Variants in MICAL2 observed in about 807,000 individuals in gnomAD.
The protein encoded by MICAL2 is microtubule associated monooxygenase, calponin and LIM domain containing 2.
Under a neutral mutation model 127.3 loss-of-function variants are expected in MICAL2, and 77 were observed. That is an observed-to-expected ratio of 0.60 (90% CI 0.50 to 0.73). MICAL2 has a LOEUF of 0.73. Ranked by LOEUF, MICAL2 falls within the 30% of genes least tolerant of loss-of-function variation. The pLI is 0.00. For synonymous variants in MICAL2, 570 were observed against 551.1 expected (o/e 1.03, Z -0.48); for missense variants, 1,351 against 1,434.4 (o/e 0.94, Z 0.94).
At chr11:12,216,605 C>T (rs1470964939) in intron 8 of MICAL2, among the ~76,000 whole-genome samples, 1 of 152,180 alleles carries the variant, frequency 6.6e-6, no homozygotes, top group African/African-American at 2.4e-5. Context: ...TCTCATCCAG[C>T]CTTGCCTCTT....
intron 1 of MICAL2, among the ~76,000 whole-genome samples, chr11:12,133,339 C>A (rs1358583313): frequency 1.3e-5 from 2 of 152,180 alleles, no homozygotes; most frequent in East Asian, 3.9e-4. Flanking sequence ...GCCTCGGGCT[C>A]CCAAAGTGCT....
At position 12,133,620 on chromosome 11, in the gene MICAL2, GA is replaced by G. The variant is rs57094544; in HGVS notation, c.-148-4757del. 6.1e-3 allele frequency among the ~76,000 whole-genome samples: 861 copies of G among 140,056 alleles called. 4 individuals are homozygous for G. Among genetic ancestry groups the G allele is most frequent in the African/African-American group, 0.013 (501 of 38,910 alleles). The allele number at this position is 140,056 out of a possible 152,430, so 91.9% of individuals were successfully genotyped here. On this transcript the variant is annotated intron_variant, in intron 1 of 27. Transcript: ENST00000683283. ...AGAATCTCTTGGGACAGGTGACTGA[GA>G]AAAAAAAAAAAAGTAAAACAAAAAA...
chr11:12,294,225 C>T, downstream of MICAL2: 1 of 1,614,126 alleles, frequency 6.2e-7, no homozygotes, highest in Non-Finnish European at 8.5e-7. Flanking sequence ...AACGTGCCTC[C>T]ACCCAAGTCC....
At position 12,145,153 on chromosome 11, in the gene MICAL2, G is replaced by A. The variant is rs1282123030; in HGVS notation, c.-78+6693G>A. 1.9e-4 allele frequency among the ~76,000 whole-genome samples: 29 copies of A among 151,334 alleles called. 1 individual carries two copies. The highest frequency in any genetic ancestry group is 1.9e-3 in the Admixed American group (29 of 15,172). On this transcript the variant is annotated intron_variant, in intron 2 of 27. Coordinates refer to ENST00000683283, the MANE Select transcript of MICAL2 (RefSeq NM_001282663.2). ...TCCAGCTGGGTTCATGTAGCACATC[G>A]CTGGGCACATGGTAATCAGTGTTGA...
Position 12,239,845 on chromosome 11 carries a change from T to C in MICAL2, c.2214+260T>C, listed in dbSNP as rs148100930. On this transcript the variant is annotated intron_variant, in intron 17 of 27. Transcript: ENST00000683283. Reference sequence around the variant, plus strand: ...AGTAGACAATACCTAAACAAATGAGTCTGGCTGTGTTCCAATAAAACTTTA... The same window carrying C: ...AGTAGACAATACCTAAACAAATGAGCCTGGCTGTGTTCCAATAAAACTTTA... Among the ~76,000 whole-genome samples, 1,227 of 152,286 alleles carry C rather than the reference T, an allele frequency of 8.1e-3. 17 individuals are homozygous for C. Among genetic ancestry groups the C allele is most frequent in the African/African-American group, 0.027 (1,134 of 41,536 alleles).
At chr11:12,319,204 T>C (rs1344104296) in intron 29 of MICAL2, among the ~76,000 whole-genome samples, 1 of 152,124 alleles carries the variant, frequency 6.6e-6, no homozygotes, top group Non-Finnish European at 1.5e-5. Flanking sequence ...GCAGATGTCA[T>C]GTAGTAAAAA....
chr11:12,240,312 G>A (rs1170024894), intron 17 of MICAL2, among the ~76,000 whole-genome samples: 6 of 152,222 alleles, frequency 3.9e-5, no homozygotes, highest in Non-Finnish European at 7.3e-5. Flanking sequence ...ACTTCCTTTA[G>A]GGTGCTGTTG....
intron 2 of MICAL2, among the ~76,000 whole-genome samples, chr11:12,160,085 C>A (rs1854604834): frequency 6.6e-6 from 1 of 152,156 alleles, no homozygotes; most frequent in Non-Finnish European, 1.5e-5. Flanking sequence ...TCAAGCCAAG[C>A]ATAGTGCCAG....
Position 12,255,657 on chromosome 11 carries a change from A to C in MICAL2, c.2862A>C (p.Lys954Asn). 6.2e-7 allele frequency: 1 copy of C among 1,614,072 alleles called. No homozygotes were observed. The highest frequency in any genetic ancestry group is 8.5e-7 in the Non-Finnish European group (1 of 1,180,002). The change falls in exon 23 of 28, where the codon AAA becomes AAC. Residue 954 changes from lysine (K) to asparagine (N), a missense_variant. Physicochemically the swap from Lys to Asn is moderately conservative, Grantham distance 94. This residue lies in a region of MICAL2 where 752 missense variants were observed against 719.4 expected (regional missense o/e 1.05). Transcript: ENST00000683283. ...CTCTTGGTTAGCTGACGGTAGGGAA[A>C]GTGTCCAGCGGAATAGGGGCTGCAG... ...RTVHPQLTVG[K>N]VSSGIGAAAE...
At chr11:12,250,950 G>A (rs1861451721) in intron 22 of MICAL2, among the ~76,000 whole-genome samples, 1 of 152,146 alleles carries the variant, frequency 6.6e-6, no homozygotes, top group Admixed American at 6.5e-5. Context: ...GACTTATCTA[G>A]GATTTCTCCA....
chr11:12,329,411 G>A (rs1864389056), intron 32 of MICAL2, among the ~76,000 whole-genome samples: 2 of 152,104 alleles, frequency 1.3e-5, no homozygotes, highest in South Asian at 4.1e-4. Flanking sequence ...GAAAAGAAGA[G>A]GAAAAACCAG....
chr11:12,358,502 T>TG (rs771978119), downstream of MICAL2: 1 of 1,609,040 alleles, frequency 6.2e-7, no homozygotes, highest in South Asian at 1.1e-5. Context: ...TCCCTCTCCC[T>TG]GGCTGCACGT....
intron 30 of MICAL2, among the ~76,000 whole-genome samples, chr11:12,320,586 G>A (rs992405132): frequency 1.3e-5 from 2 of 152,140 alleles, no homozygotes; most frequent in African/African-American, 2.4e-5. Flanking sequence ...TGCTTCCCGG[G>A]TAGAAAGAGA....
chr11:12,275,340 G>A (rs1223943695), upstream of MICAL2, among the ~76,000 whole-genome samples: 2 of 152,148 alleles, frequency 1.3e-5, no homozygotes, highest in South Asian at 2.1e-4. Context: ...AGAAATCTGG[G>A]GGTCATTGTT....
At chr11:12,273,668 G>A (rs746051647), upstream of MICAL2, among the ~76,000 whole-genome samples, 3 of 152,004 alleles carry the variant, frequency 2.0e-5, no homozygotes, top group Non-Finnish European at 4.4e-5. Context: ...ATCTCCCAGA[G>A]AGAACACATG....
At chr11:12,287,637 C>G (rs574201832), downstream of MICAL2, among the ~76,000 whole-genome samples, 4 of 152,240 alleles carry the variant, frequency 2.6e-5, no homozygotes, top group South Asian at 8.3e-4. Context: ...ACTCACACCC[C>G]TACACATACA....
intron 11 of MICAL2, 126 bp downstream of exon 11, chr11:12,222,869 TAA>T: frequency 1.7e-6 from 2 of 1,205,024 alleles, no homozygotes; most frequent in Non-Finnish European, 2.3e-6. Flanking sequence ...CCTGCTGGCC[TAA>T]TGGTGGGACC....
chr11:12,282,816 C>T (rs1421095315), intron 2 of MICAL2, among the ~76,000 whole-genome samples: 1 of 152,184 alleles, frequency 6.6e-6, no homozygotes, highest in Non-Finnish European at 1.5e-5. Context: ...TTAACAGTTC[C>T]TCAGAAAATG....
intron 12 of MICAL2, 49 bp from the exon 13 acceptor site, chr11:12,224,624 C>T (rs761778882): frequency 3.0e-5 from 48 of 1,591,722 alleles, no homozygotes; most frequent in Non-Finnish European, 3.5e-5. Flanking sequence ...CAGGGCAGAC[C>T]GTGTGAGATT....
Sources: allele counts gnomAD v4.1 joint callset (sites outside exome capture counted in the v4.1 genomes callset), GRCh38; gene constraint gnomAD v4.1.1; regional missense constraint gnomAD v4.1.1; transcripts MANE v1.5; gene names NCBI Gene and HGNC (gene_info 2026-07-23, HGNC 2026-07-21).